SNTG1: variants seen among roughly 807,000 people sequenced by gnomAD.
SNTG1 encodes syntrophin gamma 1, also known as gamma-1-syntrophin.
In SNTG1, 39 loss-of-function variants were observed where a neutral mutation model predicts 74.7. The ratio of observed to expected loss-of-function variants is 0.52; its 90% CI spans 0.40 to 0.68. The LOEUF is 0.68. Ranked by LOEUF, SNTG1 falls within the 30% of genes least tolerant of loss-of-function variation. The probability of loss-of-function intolerance (pLI) is 0.00; values close to 1 mark genes in which losing one functional copy is unlikely to be tolerated. For missense variants in SNTG1, 685 were observed against 609.5 expected, an observed-to-expected ratio of 1.12 and a Z score of -1.30; for synonymous variants, 254 against 217.1, an observed-to-expected ratio of 1.17 and a Z score of -1.49.
At chr8:50,497,984 A>G (rs372202730) in intron 8 of SNTG1, among the ~76,000 whole-genome samples, 1 of 151,862 alleles carries the variant, frequency 6.6e-6, no homozygotes, top group Non-Finnish European at 1.5e-5. Context: ...CATTATAAGG[A>G]TATATCTCAG....
At chr8:50,585,025 G>A (rs571233100) in intron 12 of SNTG1, among the ~76,000 whole-genome samples, 61 of 152,212 alleles carry the variant, frequency 4.0e-4, no homozygotes, top group African/African-American at 1.3e-3. Flanking sequence ...TTGGCTCTGG[G>A]TCATTCATAC....
intron 2 of SNTG1, among the ~76,000 whole-genome samples, chr8:50,239,087 C>T (rs1328298345): frequency 6.6e-6 from 1 of 152,158 alleles, no homozygotes; most frequent in African/African-American, 2.4e-5. Context: ...TTGGAGATTT[C>T]TCAAGGAGCT....
chr8:50,716,562 A>G (rs2095475475), intron 17 of SNTG1, among the ~76,000 whole-genome samples: 1 of 151,986 alleles, frequency 6.6e-6, no homozygotes, highest in African/African-American at 2.4e-5. Context: ...ATTTAGGGAA[A>G]CTCTCAGGTA....
chr8:50,595,336 A>T (rs993458148), intron 13 of SNTG1, among the ~76,000 whole-genome samples: 1 of 152,024 alleles, frequency 6.6e-6, no homozygotes, highest in Non-Finnish European at 1.5e-5. Flanking sequence ...GTATAAATTA[A>T]CTCTTGGAAA....
intron 2 of SNTG1, among the ~76,000 whole-genome samples, chr8:50,358,470 A>T (rs942771211): frequency 3.9e-5 from 6 of 152,206 alleles, no homozygotes; most frequent in African/African-American, 1.2e-4. Context: ...AGAAAATCAC[A>T]TAAAGTGGGA....
At chr8:50,483,513 C>T (rs1016512691) in intron 8 of SNTG1, among the ~76,000 whole-genome samples, 1 of 152,052 alleles carries the variant, frequency 6.6e-6, no homozygotes, top group Non-Finnish European at 1.5e-5. Flanking sequence ...TAGCACAGCT[C>T]ACTCCATGGT....
intron 2 of SNTG1, among the ~76,000 whole-genome samples, chr8:50,207,615 A>C (rs1360639777): frequency 6.6e-6 from 1 of 152,014 alleles, no homozygotes; most frequent in East Asian, 1.9e-4. Flanking sequence ...GAACTTTTGA[A>C]TGTGTTTGCT....
intron 1 of SNTG1, among the ~76,000 whole-genome samples, chr8:50,153,829 C>T (rs1279571523): frequency 6.6e-6 from 1 of 152,148 alleles, no homozygotes. Context: ...GGGGTGCCTC[C>T]CAGTTAGGCT....
At chr8:50,671,867 A>G (rs2095284913) in intron 15 of SNTG1, among the ~76,000 whole-genome samples, 2 of 151,892 alleles carry the variant, frequency 1.3e-5, no homozygotes, top group Admixed American at 6.6e-5. Context: ...TGCAGCCATA[A>G]AAAATGATGA....
At chr8:50,180,780 A>G (rs1586607891) in intron 2 of SNTG1, among the ~76,000 whole-genome samples, 2 of 35,672 alleles carry the variant, frequency 5.6e-5, no homozygotes, top group African/African-American at 2.3e-4. Flanking sequence ...TTTTTTTTTT[A>G]ACAAAGTTTT....
chr8:50,570,591 G>GTTGTTATTA (rs137977278), intron 12 of SNTG1, among the ~76,000 whole-genome samples: 2,051 of 130,120 alleles, frequency 0.016, 40 homozygotes, highest in African/African-American at 0.041. Context: ...TATTATTGTT[G>GTTGTTATTA]TTATTATTAT....
At chr8:50,637,421 T>C (rs2095046169) in intron 13 of SNTG1, among the ~76,000 whole-genome samples, 1 of 152,112 alleles carries the variant, frequency 6.6e-6, no homozygotes, top group African/African-American at 2.4e-5. Context: ...ATGATAAAAT[T>C]TGAAGGTTCT....
intron 9 of SNTG1, among the ~76,000 whole-genome samples, chr8:50,512,105 G>A (rs907497420): frequency 2.0e-5 from 3 of 151,936 alleles, no homozygotes; most frequent in African/African-American, 7.3e-5. Context: ...TTTTAGTGCA[G>A]GCCTGGTGGT....
intron 12 of SNTG1, among the ~76,000 whole-genome samples, chr8:50,554,071 A>C (rs182747483): frequency 6.6e-6 from 1 of 152,268 alleles, no homozygotes; most frequent in East Asian, 1.9e-4. Context: ...TCTTATGTAA[A>C]TGACCCTTCA....
chr8:49,946,831 T>C (rs1015129271), intron 1 of SNTG1, among the ~76,000 whole-genome samples: 12 of 152,218 alleles, frequency 7.9e-5, no homozygotes, highest in Non-Finnish European at 1.5e-5. Context: ...ATGTAACTTC[T>C]AGTTGGATTC....
intron 1 of SNTG1, among the ~76,000 whole-genome samples, chr8:50,164,907 C>T (rs996663079): frequency 1.3e-5 from 2 of 152,140 alleles, no homozygotes; most frequent in East Asian, 3.9e-4. Flanking sequence ...ACATTTTGGT[C>T]AAAGAATGAG....
chr8:49,937,429 C>T (rs562815257), intron 1 of SNTG1, among the ~76,000 whole-genome samples: 8 of 152,208 alleles, frequency 5.3e-5, no homozygotes, highest in Admixed American at 1.3e-4. Context: ...TAAATATGTG[C>T]AGTTTGTTAT....
intron 1 of SNTG1, among the ~76,000 whole-genome samples, chr8:49,930,149 C>G (rs1457920040): frequency 6.6e-6 from 1 of 151,728 alleles, no homozygotes; most frequent in Non-Finnish European, 1.5e-5. Context: ...GAGATGAGGA[C>G]AAAAAGAAGT....
intron 1 of SNTG1, among the ~76,000 whole-genome samples, chr8:50,009,831 C>T (rs771076890): frequency 3.5e-4 from 54 of 152,238 alleles, no homozygotes; most frequent in Admixed American, 3.3e-4. Flanking sequence ...AACCCCATCT[C>T]TACTAAAAAT....
Sources: gnomAD v4.1 joint callset for allele counts (sites outside exome capture counted in the v4.1 genomes callset) on GRCh38, gnomAD v4.1.1 for gene constraint, MANE v1.5 for transcripts, NCBI Gene and HGNC (gene_info 2026-07-23, HGNC 2026-07-21) for gene names.